Variants in CCDC3 observed in about 807,000 individuals in gnomAD.
CCDC3 encodes the protein coiled-coil domain-containing protein 3.
In CCDC3, 24 loss-of-function variants were observed where a neutral mutation model predicts 21.4. The observed-to-expected ratio is 1.12, with a 90% CI of 0.81 to 1.58. The LOEUF is 1.58. Ranked by LOEUF, CCDC3 falls within the 40% of genes most tolerant of loss-of-function variation. The probability of loss-of-function intolerance (pLI) is 0.00; values close to 1 mark genes in which losing one functional copy is unlikely to be tolerated. For synonymous variants in CCDC3, 186 were observed against 166.0 expected, an observed-to-expected ratio of 1.12 and a Z score of -0.93; for missense variants, 425 against 360.9, an observed-to-expected ratio of 1.18 and a Z score of -1.44.
intron 5 of CCDC3, among the ~76,000 whole-genome samples, chr10:13,021,344 C>T (rs117775370): frequency 2.6e-5 from 4 of 152,322 alleles, no homozygotes; most frequent in African/African-American, 9.6e-5. Context: ...CACTCAAAAT[C>T]TTCTCTCCAC....
intron 5 of CCDC3, among the ~76,000 whole-genome samples, chr10:13,039,538 T>A (rs1199973633): frequency 6.6e-6 from 1 of 152,212 alleles, no homozygotes; most frequent in Non-Finnish European, 1.5e-5. Context: ...CTAGGAGTAG[T>A]TACTTAGTAT....
intron 2 of CCDC3, among the ~76,000 whole-genome samples, chr10:12,903,738 C>G (rs1282697077): frequency 6.6e-6 from 1 of 152,196 alleles, no homozygotes; most frequent in Non-Finnish European, 1.5e-5. Context: ...GGAAGATTGC[C>G]CTGGGAGCCT....
At chr10:12,925,648 CACAGAATAA>C (rs1834525457) in intron 2 of CCDC3, among the ~76,000 whole-genome samples, 1 of 152,224 alleles carries the variant, frequency 6.6e-6, no homozygotes, top group African/African-American at 2.4e-5. Context: ...TCTGGAGTCA[CACAGAATAA>C]ACTCTTCTCT....
upstream of CCDC3, among the ~76,000 whole-genome samples, chr10:13,006,360 T>C (rs1757252094): frequency 6.6e-6 from 1 of 152,206 alleles, no homozygotes; most frequent in South Asian, 2.1e-4. Context: ...ATACTACATC[T>C]AGGACAGCAG....
chr10:12,941,210 G>C (rs1325684546), intron 2 of CCDC3, among the ~76,000 whole-genome samples: 2 of 152,194 alleles, frequency 1.3e-5, no homozygotes, highest in Non-Finnish European at 2.9e-5. Flanking sequence ...ACTCCCACCA[G>C]TGCCATGACA....
upstream of CCDC3, among the ~76,000 whole-genome samples, chr10:13,003,013 C>G (rs1835878136): frequency 2.0e-5 from 3 of 152,148 alleles, no homozygotes; most frequent in Admixed American, 2.0e-4. Context: ...GCCTGAAGAC[C>G]CTATTTCCAA....
intron 2 of CCDC3, among the ~76,000 whole-genome samples, chr10:12,899,080 C>G (rs919386118): frequency 1.3e-5 from 2 of 152,114 alleles, no homozygotes; most frequent in African/African-American, 4.8e-5. Context: ...GGCTGAGCCA[C>G]TTACATTCGC....
chr10:12,977,456 C>A (rs1459852426), intron 2 of CCDC3, among the ~76,000 whole-genome samples: 2 of 152,090 alleles, frequency 1.3e-5, no homozygotes, highest in Admixed American at 6.5e-5. Context: ...GAGAACAAAC[C>A]CCCGACCCCA....
intron 3 of CCDC3, among the ~76,000 whole-genome samples, chr10:13,087,175 C>A (rs954212452): frequency 6.6e-6 from 1 of 152,144 alleles, no homozygotes; most frequent in African/African-American, 2.4e-5. Context: ...AAGGCCAAGG[C>A]GGGTGGATCA....
rs146126322 is a variant in CCDC3 at position 12,934,682 on chromosome 10, T to G, written c.550-36003A>C. Among the ~76,000 whole-genome samples the G allele has an allele frequency of 5.8e-3, 878 of 152,324 alleles. 10 individuals are homozygous for G. The highest frequency in any genetic ancestry group is 0.02 in the African/African-American group (839 of 41,568). The stretch of plus-strand genomic sequence containing the variant: ...ATGCCTTCTTGGAGTAGTAACCCCA[T>G]TATTACATAATGGCCCTCTTTATAT... On this transcript the variant is annotated intron_variant, in intron 2 of 2. Transcript: ENST00000378825.
intron 5 of CCDC3, among the ~76,000 whole-genome samples, chr10:13,047,512 A>G (rs1836544438): frequency 6.6e-6 from 1 of 152,228 alleles, no homozygotes. Flanking sequence ...TAAAATCTGC[A>G]TAGCAAAGAC....
intron 2 of CCDC3, among the ~76,000 whole-genome samples, chr10:12,991,561 T>G (rs1010733168): frequency 1.8e-4 from 28 of 152,154 alleles, no homozygotes; most frequent in African/African-American, 6.3e-4. Flanking sequence ...CTCAAACTCC[T>G]GACCTCAAGG....
chr10:13,074,210 T>A (rs1326198434), intron 3 of CCDC3: 1 of 143,952 alleles, frequency 6.9e-6, no homozygotes. Context: ...CAGGCTGGAG[T>A]GCAATGGCGT....
At position 13,095,826 on chromosome 10, in the gene CCDC3, A is replaced by G. The variant is rs181584376; in HGVS notation, c.-503+2699T>C. ...GTAAATGTATGATTCATGGCTTTCA[A>G]TTACACTTAAAAAGTTGTAAAACCA... On this transcript the variant is annotated intron_variant, in intron 3 of 6. Coordinates refer to the CCDC3 transcript ENST00000378839. Among the ~76,000 whole-genome samples, 249 of 152,296 alleles carry G rather than the reference A, an allele frequency of 1.6e-3. 8 individuals are homozygous for G. Among genetic ancestry groups the G allele is most frequent in the Admixed American group, 0.015 (234 of 15,302 alleles).
intron 5 of CCDC3, among the ~76,000 whole-genome samples, chr10:13,014,686 G>A (rs1341107984): frequency 1.3e-5 from 2 of 151,964 alleles, no homozygotes; most frequent in East Asian, 3.9e-4. Flanking sequence ...CAGATGATGA[G>A]TATCCTATAG....
intron 5 of CCDC3, among the ~76,000 whole-genome samples, chr10:13,013,917 G>A (rs1001780640): frequency 5.3e-5 from 8 of 152,138 alleles, no homozygotes; most frequent in East Asian, 1.9e-4. Context: ...TTGGGAGGCC[G>A]AGGCAGGGGG....
chr10:12,965,003 T>C (rs774543721), intron 2 of CCDC3, among the ~76,000 whole-genome samples: 1 of 152,174 alleles, frequency 6.6e-6, no homozygotes, highest in African/African-American at 2.4e-5. Context: ...AGGAGCTCAG[T>C]TGTCGTCAGT....
At chr10:12,987,085 G>A (rs1443447746) in intron 2 of CCDC3, among the ~76,000 whole-genome samples, 1 of 152,048 alleles carries the variant, frequency 6.6e-6, no homozygotes, top group Non-Finnish European at 1.5e-5. Context: ...CCATTCCCTG[G>A]TATGCAGCCC....
chr10:12,991,421 A>G (rs969539650), intron 2 of CCDC3, among the ~76,000 whole-genome samples: 2 of 152,052 alleles, frequency 1.3e-5, no homozygotes, highest in African/African-American at 4.8e-5. Flanking sequence ...CCTAGGTTCA[A>G]GCGATCCTCC....
Sources: allele counts gnomAD v4.1 joint callset (sites outside exome capture counted in the v4.1 genomes callset), GRCh38; gene constraint gnomAD v4.1.1; transcripts MANE v1.5; gene names NCBI Gene and HGNC (gene_info 2026-07-23, HGNC 2026-07-21).